The following RHBDD1 variants were observed in gnomAD, a reference collection of about 807,000 sequenced individuals.
RHBDD1 encodes rhomboid-related protein 4.
Under a neutral mutation model 36.3 loss-of-function variants are expected in RHBDD1, and 38 were observed. The observed-to-expected ratio is 1.05, with a 90% confidence interval of 0.81 to 1.37. The LOEUF is 1.37. RHBDD1 is among the 40% of genes most tolerant of loss of function. The pLI, the probability that RHBDD1 is intolerant of heterozygous loss-of-function variation, is 0.00. For synonymous variants in RHBDD1, 151 were observed against 136.5 expected (o/e 1.11, Z -0.74); for missense variants, 393 against 377.6 (o/e 1.04, Z -0.34).
chr2:226,922,835 TTTTAAACTGA>T (rs1329795212), intron 8 of RHBDD1, among the ~76,000 whole-genome samples: 1 of 152,170 alleles, frequency 6.6e-6, no homozygotes, highest in East Asian at 1.9e-4. Flanking sequence ...TATGACCTTT[TTTTAAACTGA>T]TAACTTAACA....
At chr2:226,887,857 C>T (rs1266978610) in intron 5 of RHBDD1, among the ~76,000 whole-genome samples, 2 of 152,190 alleles carry the variant, frequency 1.3e-5, no homozygotes, top group African/African-American at 2.4e-5. Context: ...CATCTTTTTA[C>T]TAATAACCAA....
chr2:226,986,963 G>T (rs1435040060), intron 8 of RHBDD1, among the ~76,000 whole-genome samples: 2 of 152,234 alleles, frequency 1.3e-5, no homozygotes, highest in African/African-American at 4.8e-5. Flanking sequence ...TAAAGAAAAT[G>T]TGGCACATGT....
chr2:226,879,255 T>C (rs965471984), intron 5 of RHBDD1, among the ~76,000 whole-genome samples: 2 of 152,202 alleles, frequency 1.3e-5, no homozygotes, highest in Admixed American at 1.3e-4. Flanking sequence ...TGGCTACTAG[T>C]TGCTTAAGCT....
At chr2:226,951,027 TA>T (rs1241424453) in intron 8 of RHBDD1, among the ~76,000 whole-genome samples, 1 of 152,154 alleles carries the variant, frequency 6.6e-6, no homozygotes, top group Non-Finnish European at 1.5e-5. Flanking sequence ...GGGTCATATC[TA>T]AAAAATTATT....
intron 8 of RHBDD1, among the ~76,000 whole-genome samples, chr2:226,927,882 T>C (rs1949770056): frequency 1.3e-5 from 2 of 152,136 alleles, no homozygotes; most frequent in African/African-American, 4.8e-5. Context: ...TTTGCAAATA[T>C]TTTCCCTGAG....
At chr2:226,902,858 A>G (rs1205107233) in intron 5 of RHBDD1, among the ~76,000 whole-genome samples, 1 of 152,176 alleles carries the variant, frequency 6.6e-6, no homozygotes, top group Non-Finnish European at 1.5e-5. Flanking sequence ...ACTTCTGAAA[A>G]CCATTTAGAG....
chr2:226,982,991 A>G (rs1956123561), intron 8 of RHBDD1, among the ~76,000 whole-genome samples: 1 of 150,486 alleles, frequency 6.6e-6, no homozygotes, highest in African/African-American at 2.5e-5. Context: ...TGAGCATAGC[A>G]TAACCTAGGA....
chr2:226,979,549 T>C (rs35068645), intron 8 of RHBDD1, among the ~76,000 whole-genome samples: 65,478 of 151,750 alleles, frequency 0.43, 14,212 homozygotes, highest in South Asian at 0.52. Flanking sequence ...CTTGGCTGGC[T>C]CATCATATTC....
chr2:226,828,705 C>T, the RHBDD1 span, among the ~76,000 whole-genome samples: 2 of 151,650 alleles, frequency 1.3e-5, no homozygotes, highest in East Asian at 2.0e-4. Context: ...CATATATCTT[C>T]TTTGATGAAG....
At chr2:226,843,150 A>G (rs985329896) in intron 3 of RHBDD1, among the ~76,000 whole-genome samples, 2 of 152,238 alleles carry the variant, frequency 1.3e-5, no homozygotes, top group Non-Finnish European at 2.9e-5. Flanking sequence ...GAAGTTGCTT[A>G]TCAGCTTAAG....
chr2:226,936,315 T>G (rs1950328202), intron 8 of RHBDD1, among the ~76,000 whole-genome samples: 1 of 152,156 alleles, frequency 6.6e-6, no homozygotes, highest in African/African-American at 2.4e-5. Context: ...AAAATTGTAC[T>G]TATATCTTAG....
chr2:226,909,900 G>T (rs1195186065), intron 7 of RHBDD1, among the ~76,000 whole-genome samples: 6 of 152,188 alleles, frequency 3.9e-5, no homozygotes, highest in African/African-American at 1.4e-4. Context: ...TTAAAGCTGA[G>T]ACTAGCAGCC....
the RHBDD1 span, among the ~76,000 whole-genome samples, chr2:226,822,872 T>A: frequency 6.6e-6 from 1 of 152,066 alleles, no homozygotes; most frequent in African/African-American, 2.4e-5. Flanking sequence ...ACAACTATAA[T>A]TCCAGCATTT....
At chr2:226,857,525 C>T (rs1943452240) in intron 3 of RHBDD1, among the ~76,000 whole-genome samples, 1 of 151,956 alleles carries the variant, frequency 6.6e-6, no homozygotes, top group Admixed American at 6.6e-5. Context: ...AAAGTGGAAA[C>T]AAATGTCCAT....
chr2:226,816,375 CAAAA>C, the RHBDD1 span, among the ~76,000 whole-genome samples: 842 of 64,970 alleles, frequency 0.013, 9 homozygotes, highest in African/African-American at 0.038. Flanking sequence ...GGAATGGTGG[CAAAA>C]AAAAAAAAAA....
intron 3 of RHBDD1, among the ~76,000 whole-genome samples, chr2:226,840,786 A>G (rs1941526340): frequency 6.6e-6 from 1 of 152,214 alleles, no homozygotes; most frequent in East Asian, 1.9e-4. Context: ...AAATAAATAT[A>G]AATGTTACTT....
chr2:226,953,448 T>A (rs761819881), intron 8 of RHBDD1, among the ~76,000 whole-genome samples: 6 of 152,214 alleles, frequency 3.9e-5, no homozygotes, highest in Non-Finnish European at 8.8e-5. Flanking sequence ...AGAAATGGCC[T>A]GGCCCAGACT....
chr2:226,983,357 G>A (rs965876230), intron 8 of RHBDD1, among the ~76,000 whole-genome samples: 8 of 152,098 alleles, frequency 5.3e-5, no homozygotes, highest in East Asian at 1.9e-4. Flanking sequence ...AATGTGGCAC[G>A]GAAGTATTGG....
intron 1 of RHBDD1, chr2:226,837,471 T>G (rs1401244224): frequency 6.6e-6 from 1 of 152,200 alleles, no homozygotes; most frequent in Non-Finnish European, 1.5e-5. Flanking sequence ...CTATTGTGGT[T>G]GTAGGATTTT....
Sources: gnomAD v4.1 joint callset for allele counts (sites outside exome capture counted in the v4.1 genomes callset) on GRCh38, gnomAD v4.1.1 for gene constraint, MANE v1.5 for transcripts, NCBI Gene and HGNC (gene_info 2026-07-23, HGNC 2026-07-21) for gene names.